CLVS1: variants seen among roughly 807,000 people sequenced by gnomAD.
The protein encoded by CLVS1 is clavesin-1.
A neutral mutation model predicts 33.1 loss-of-function variants in CLVS1; 10 were observed. That is an observed-to-expected ratio of 0.30 (90% CI 0.19 to 0.51). The LOEUF (loss-of-function observed/expected upper bound fraction) is 0.51. CLVS1 is among the 20% of genes least tolerant of loss of function. The pLI, the probability that CLVS1 is intolerant of heterozygous loss-of-function variation, is 0.97. For missense variants in CLVS1, 343 were observed against 433.4 expected, an observed-to-expected ratio of 0.79 and a Z score of 1.85; for synonymous variants, 163 against 166.1, an observed-to-expected ratio of 0.98 and a Z score of 0.14.
At chr8:61,160,179 T>A (rs550423205) in intron 2 of CLVS1, among the ~76,000 whole-genome samples, 1 of 152,330 alleles carries the variant, frequency 6.6e-6, no homozygotes, top group East Asian at 1.9e-4. Flanking sequence ...TTATAAGATT[T>A]AGCTGAATTC....
At chr8:61,395,889 T>C (rs1217751732) in intron 3 of CLVS1, among the ~76,000 whole-genome samples, 2 of 152,306 alleles carry the variant, frequency 1.3e-5, no homozygotes, top group African/African-American at 4.8e-5. Context: ...CAAGGTAAGA[T>C]ATTTTGACTC....
chr8:61,374,568 A>G (rs139913516), intron 2 of CLVS1, among the ~76,000 whole-genome samples: 24 of 152,356 alleles, frequency 1.6e-4, no homozygotes, highest in Non-Finnish European at 3.2e-4. Context: ...GGGTCTTTGG[A>G]TAATTGTTTT....
intron 1 of CLVS1, among the ~76,000 whole-genome samples, chr8:61,294,145 A>G (rs938243416): frequency 1.3e-5 from 2 of 152,042 alleles, no homozygotes; most frequent in African/African-American, 4.8e-5. Flanking sequence ...ATGTGTGTCT[A>G]TTATGTGAGT....
At chr8:61,126,113 G>A (rs1328795229) in intron 1 of CLVS1, among the ~76,000 whole-genome samples, 2 of 152,110 alleles carry the variant, frequency 1.3e-5, no homozygotes, top group Non-Finnish European at 2.9e-5. Context: ...CTGGAGGTAT[G>A]CCCTGCCACT....
the CLVS1 span, among the ~76,000 whole-genome samples, chr8:61,029,419 C>T: frequency 6.6e-6 from 1 of 152,034 alleles, no homozygotes; most frequent in African/African-American, 2.4e-5. Context: ...GGGATGTGAG[C>T]AGGTGAGTGG....
chr8:61,075,845 C>A (rs1804900465), intron 1 of CLVS1, among the ~76,000 whole-genome samples: 1 of 152,218 alleles, frequency 6.6e-6, no homozygotes, highest in Non-Finnish European at 1.5e-5. Context: ...CTCACACATC[C>A]TATCCAGCCT....
intron 3 of CLVS1, among the ~76,000 whole-genome samples, chr8:61,393,496 A>G (rs903607092): frequency 1.3e-5 from 2 of 152,186 alleles, no homozygotes; most frequent in African/African-American, 2.4e-5. Context: ...TAATATTACC[A>G]GAATTACTTT....
At chr8:61,398,187 T>A (rs1172917817) in intron 3 of CLVS1, among the ~76,000 whole-genome samples, 1 of 150,842 alleles carries the variant, frequency 6.6e-6, no homozygotes, top group East Asian at 1.9e-4. Flanking sequence ...TTTACTTTTT[T>A]TTTTTTTTTT....
intron 2 of CLVS1, among the ~76,000 whole-genome samples, chr8:61,198,198 GA>G (rs945749745): frequency 1.2e-4 from 19 of 152,210 alleles, no homozygotes; most frequent in African/African-American, 4.6e-4. Flanking sequence ...TATATTAATG[GA>G]AATCTAATAT....
chr8:61,094,114 CA>C (rs1805304837), intron 1 of CLVS1, among the ~76,000 whole-genome samples: 1 of 152,154 alleles, frequency 6.6e-6, no homozygotes, highest in Non-Finnish European at 1.5e-5. Context: ...ATTCTGAGCC[CA>C]AGTTTGATTC....
At chr8:61,245,746 A>C (rs1035834125) in intron 2 of CLVS1, among the ~76,000 whole-genome samples, 1 of 151,360 alleles carries the variant, frequency 6.6e-6, no homozygotes, top group Non-Finnish European at 1.5e-5. Context: ...TAAAAATTTT[A>C]TTTCTTTCCT....
intron 3 of CLVS1, among the ~76,000 whole-genome samples, chr8:61,380,125 T>C (rs989361313): frequency 1.3e-5 from 2 of 152,340 alleles, no homozygotes; most frequent in African/African-American, 2.4e-5. Context: ...TTTTCTGGAT[T>C]ACTCACATTC....
chr8:61,361,601 C>T (rs1812984212), intron 2 of CLVS1, among the ~76,000 whole-genome samples: 3 of 152,106 alleles, frequency 2.0e-5, no homozygotes, highest in Admixed American at 2.0e-4. Context: ...TCTGGCTGTA[C>T]AGAGAGAGTT....
intron 2 of CLVS1, among the ~76,000 whole-genome samples, chr8:61,167,555 A>C (rs537103967): frequency 4.6e-5 from 7 of 152,300 alleles, no homozygotes; most frequent in Admixed American, 4.6e-4. Flanking sequence ...GATAAAAATT[A>C]CTGTGAGGAA....
At chr8:60,990,399 TG>T in the CLVS1 span, among the ~76,000 whole-genome samples, 1 of 152,248 alleles carries the variant, frequency 6.6e-6, no homozygotes. Context: ...GGTGCTCGTT[TG>T]GGTATTTACA....
chr8:61,158,574 G>C (rs1465063822), intron 2 of CLVS1, among the ~76,000 whole-genome samples: 15 of 152,132 alleles, frequency 9.9e-5, no homozygotes, highest in Admixed American at 9.8e-4. Context: ...AGTGCATAAT[G>C]AGGGGGCTCA....
At chr8:61,349,213 T>A (rs1192763145) in intron 2 of CLVS1, among the ~76,000 whole-genome samples, 1 of 151,884 alleles carries the variant, frequency 6.6e-6, no homozygotes, top group Non-Finnish European at 1.5e-5. Context: ...AGAAGCTTTT[T>A]AGTTTGAGAT....
At chr8:61,346,544 C>T (rs111947839) in intron 2 of CLVS1, among the ~76,000 whole-genome samples, 23 of 152,264 alleles carry the variant, frequency 1.5e-4, no homozygotes, top group African/African-American at 5.1e-4. Context: ...TTACATGTAT[C>T]TAATTAAAAG....
At chr8:61,314,274 G>A (rs1051810662) in intron 2 of CLVS1, among the ~76,000 whole-genome samples, 3 of 150,750 alleles carry the variant, frequency 2.0e-5, no homozygotes, top group Non-Finnish European at 4.4e-5. Context: ...TTTATAGTAT[G>A]CATCTTGATT....
Sources: allele counts gnomAD v4.1 joint callset (sites outside exome capture counted in the v4.1 genomes callset), GRCh38; gene constraint gnomAD v4.1.1; transcripts MANE v1.5; gene names NCBI Gene and HGNC (gene_info 2026-07-23, HGNC 2026-07-21).